SCARA5: variants seen among roughly 807,000 people sequenced by gnomAD.
SCARA5 encodes the protein scavenger receptor class A, member 5 (putative).
A neutral mutation model predicts 46.3 loss-of-function variants in SCARA5; 45 were observed. The ratio of observed to expected loss-of-function variants is 0.97; its 90% CI spans 0.76 to 1.24. The LOEUF is 1.24. SCARA5 is among the 50% of genes most tolerant of loss of function. The pLI, the probability that SCARA5 is intolerant of heterozygous loss-of-function variation, is 0.00. For synonymous variants in SCARA5, 333 were observed against 306.5 expected (o/e 1.09, Z -0.90); for missense variants, 680 against 689.0 (o/e 0.99, Z 0.15).
At chr8:27,989,086 T>G (rs991877908) in intron 1 of SCARA5, among the ~76,000 whole-genome samples, 1 of 150,626 alleles carries the variant, frequency 6.6e-6, no homozygotes, top group African/African-American at 2.4e-5. Flanking sequence ...AAACAAGAAT[T>G]CCGTATTTTC....
Position 27,922,242 on chromosome 8 carries a change from G to T in SCARA5, c.245C>A (p.Ser82Tyr). The change falls in exon 4 of 9, where the codon TCC (serine) becomes TAC (tyrosine). Residue 82 changes from serine to tyrosine, a missense_variant. Ser to Tyr is a moderately radical substitution (Grantham distance 144). Around this residue, in one of 3 missense-constraint regions of SCARA5, gnomAD observed 438 missense variants for 384.5 expected, o/e 1.14. Transcript: ENST00000354914. Reference protein sequence around the residue: ...ILVGIFILAVSRPRSSPDDLK... With the variant: ...ILVGIFILAVYRPRSSPDDLK... ...GTCGTCAGGGGAGCTGCGCGGCCTG[G>T]ACACTGCGGAGGAGGAAGAGGGGAG... 6.5e-7 allele frequency: 1 copy of T among 1,545,108 alleles called. No individual in the cohort carries two copies. The highest frequency in any genetic ancestry group is 1.7e-4 in the Middle Eastern group (1 of 5,778).
intron 2 of SCARA5, among the ~76,000 whole-genome samples, chr8:27,976,741 C>T (rs1296322103): frequency 6.6e-6 from 1 of 152,184 alleles, no homozygotes; most frequent in African/African-American, 2.4e-5. Flanking sequence ...CTGAAGCCTC[C>T]AGCTCTGCTA....
intron 7 of SCARA5, chr8:27,903,123 G>A (rs997088028): frequency 1.3e-5 from 2 of 152,180 alleles, no homozygotes; most frequent in East Asian, 1.9e-4. Flanking sequence ...GCCTCTTTTT[G>A]GGAGTGAGGT....
Position 27,870,979 on chromosome 8 carries a change from TCTC to T in SCARA5, c.*952_*954del, listed in dbSNP as rs979414151. On this transcript the variant is annotated 3_prime_UTR_variant, in exon 9 of 9. Coordinates refer to ENST00000354914, the MANE Select transcript of SCARA5 (RefSeq NM_173833.6). ...CCCCCATGTCACCCTCCACATCAGCTCTCCTCCTACATTGATGGTCGGCCTGGA... is the reference window on the plus strand; with the variant it reads ...CCCCCATGTCACCCTCCACATCAGCTCTCCTACATTGATGGTCGGCCTGGA... The T allele has an allele frequency of 1.3e-5, 2 of 152,206 alleles. No homozygotes were observed. Among genetic ancestry groups the T allele is most frequent in the African/African-American group, 2.4e-5 (1 of 41,426 alleles). 9.4% of individuals were successfully genotyped at this position (152,206 alleles called of 1,614,324 possible). A position where few individuals can be genotyped will look rare whatever the true frequency, so the allele number is the denominator to read the frequency against.
At chr8:27,987,458 C>T (rs768320271) in intron 2 of SCARA5, 46 bp downstream of exon 2, 6 of 1,399,990 alleles carry the variant, frequency 4.3e-6, no homozygotes, top group African/African-American at 1.4e-5. Flanking sequence ...CCTTCCCCAC[C>T]CCCAGGCCAG....
In SCARA5 at chr8:27,921,843, A is replaced by T; in HGVS notation, c.644T>A (p.Ile215Asn). 1.3e-6 allele frequency: 2 copies of T among 1,538,724 alleles called. No homozygotes were observed. Among genetic ancestry groups the T allele is most frequent in the Non-Finnish European group, 1.7e-6 (2 of 1,149,082 alleles). ...LLDGLARRVG[I>N]LGEELADVGG... ...CACGTCGGCCAGCTCCTCGCCCAGG[A>T]TGCCCACCCTGCGCGCCAGCCCGTC... The change falls in exon 4 of 9, where the codon ATC (isoleucine) becomes AAC (asparagine). Residue 215 changes from isoleucine (I) to asparagine (N), a missense_variant. Ile to Asn is a moderately radical substitution (Grantham distance 149). Around this residue, in one of 3 missense-constraint regions of SCARA5, gnomAD observed 438 missense variants for 384.5 expected, o/e 1.14. Coordinates refer to ENST00000354914, the MANE Select transcript of SCARA5 (RefSeq NM_173833.6).
intron 7 of SCARA5, among the ~76,000 whole-genome samples, chr8:27,892,858 G>A (rs986904535): frequency 5.3e-4 from 80 of 152,064 alleles, no homozygotes; most frequent in Admixed American, 1.4e-3. Flanking sequence ...CGCCTGCCTG[G>A]GCCTCCCAAA....
chr8:27,944,878 A>T (rs1349239901), intron 3 of SCARA5, among the ~76,000 whole-genome samples: 1 of 152,046 alleles, frequency 6.6e-6, no homozygotes, highest in Non-Finnish European at 1.5e-5. Context: ...AAAAAAAAAT[A>T]ATTGAGGTCA....
intron 3 of SCARA5, among the ~76,000 whole-genome samples, chr8:27,926,023 T>A (rs922197277): frequency 2.6e-5 from 4 of 152,186 alleles, no homozygotes; most frequent in Non-Finnish European, 4.4e-5. Flanking sequence ...AGTTCAACCA[T>A]CGTGGAAGAC....
intron 3 of SCARA5, among the ~76,000 whole-genome samples, chr8:27,934,014 T>C (rs912690134): frequency 1.3e-5 from 2 of 152,242 alleles, no homozygotes; most frequent in African/African-American, 4.8e-5. Context: ...AAGAATTTTC[T>C]CATTTCATTT....
intron 3 of SCARA5, among the ~76,000 whole-genome samples, chr8:27,926,269 A>G (rs1336133533): frequency 6.6e-6 from 1 of 152,212 alleles, no homozygotes; most frequent in Non-Finnish European, 1.5e-5. Context: ...ATGCAGCCAT[A>G]AAAAAGGATG....
At chr8:27,970,493 C>T (rs948265044) in intron 2 of SCARA5, among the ~76,000 whole-genome samples, 1 of 152,180 alleles carries the variant, frequency 6.6e-6, no homozygotes, top group African/African-American at 2.4e-5. Flanking sequence ...CCAGAAGTTG[C>T]CACCCTTTTT....
At chr8:27,945,213 C>T (rs967945066) in intron 3 of SCARA5, among the ~76,000 whole-genome samples, 1 of 151,558 alleles carries the variant, frequency 6.6e-6, no homozygotes, top group Non-Finnish European at 1.5e-5. Context: ...GAGGAGTTGT[C>T]TAACCTGCAT....
intron 2 of SCARA5, among the ~76,000 whole-genome samples, chr8:27,983,369 T>C (rs1808653298): frequency 1.3e-5 from 2 of 152,150 alleles, no homozygotes; most frequent in Admixed American, 1.3e-4. Context: ...TGAACAGAGC[T>C]TTTCCAGGCT....
chr8:27,928,144 C>T (rs1807711430), intron 3 of SCARA5, among the ~76,000 whole-genome samples: 1 of 152,190 alleles, frequency 6.6e-6, no homozygotes, highest in African/African-American at 2.4e-5. Flanking sequence ...TCTCTGCTTA[C>T]ACACCACCAC....
chr8:27,990,147 G>C (rs1808767465), intron 1 of SCARA5, among the ~76,000 whole-genome samples: 1 of 152,196 alleles, frequency 6.6e-6, no homozygotes, highest in Non-Finnish European at 1.5e-5. Flanking sequence ...TGTGTGAAGG[G>C]CAGCTGTCTC....
At chr8:27,891,861 C>T (rs1585468008) in intron 7 of SCARA5, among the ~76,000 whole-genome samples, 2 of 152,338 alleles carry the variant, frequency 1.3e-5, no homozygotes, top group East Asian at 3.9e-4. Context: ...GGACTCCTCC[C>T]TGCTGCAATA....
In SCARA5 at chr8:27,879,641, C is replaced by T. The variant is rs1350736061; in HGVS notation, c.1279G>A (p.Gly427Arg). The stretch of plus-strand genomic sequence containing the variant: ...CCGAGCATGCGGCACACCACGTCTC[C>T]GTCCTTCTTGTCCCAGCCGTCGTCA... Reference protein sequence around the residue: ...VCDDGWDKKDGDVVCRMLGFR... With the variant: ...VCDDGWDKKDRDVVCRMLGFR... The change falls in exon 8 of 9, where the codon GGA (glycine) becomes AGA (arginine). Residue 427 changes from glycine (G) to arginine (R), a missense_variant. Physicochemically the swap from Gly to Arg is moderately radical, Grantham distance 125. This residue lies in a region of SCARA5 where 219 missense variants were observed against 269.5 expected (regional missense o/e 0.81). Coordinates refer to ENST00000354914, the MANE Select transcript of SCARA5 (RefSeq NM_173833.6). 1.2e-6 allele frequency: 2 copies of T among 1,612,472 alleles called. No individual in the cohort carries two copies. Among genetic ancestry groups the T allele is most frequent in the Non-Finnish European group, 1.7e-6 (2 of 1,180,028 alleles).
intron 2 of SCARA5, among the ~76,000 whole-genome samples, chr8:27,972,218 G>A (rs532037892): frequency 1.2e-4 from 18 of 152,148 alleles, no homozygotes; most frequent in South Asian, 8.3e-4. Flanking sequence ...CCAGGAGGCC[G>A]AAGCAGGAGA....
Sources: allele counts gnomAD v4.1 joint callset (sites outside exome capture counted in the v4.1 genomes callset), GRCh38; gene constraint gnomAD v4.1.1; regional missense constraint gnomAD v4.1.1; transcripts MANE v1.5; gene names NCBI Gene and HGNC (gene_info 2026-07-23, HGNC 2026-07-21).